The following EYS variants were observed in gnomAD, a reference collection of about 807,000 sequenced individuals.
EYS encodes the protein EGF-like photoreceptor maintenance factor.
Under a neutral mutation model 282.1 loss-of-function variants are expected in EYS, and 250 were observed. The observed-to-expected ratio is 0.89, with a 90% CI of 0.80 to 0.98. The LOEUF (loss-of-function observed/expected upper bound fraction) is 0.98. Ranked by LOEUF, EYS falls within the 50% of genes least tolerant of loss-of-function variation. The pLI, the probability that EYS is intolerant of heterozygous loss-of-function variation, is 0.00. For missense variants in EYS, 4,016 were observed against 3,709.0 expected (o/e 1.08, Z -2.15); for synonymous variants, 1,355 against 1,282.9 (o/e 1.06, Z -1.20).
chr6:65,268,805 GTT>G (rs530146910), intron 12 of EYS, among the ~76,000 whole-genome samples: 1 of 118,012 alleles, frequency 8.5e-6, no homozygotes, highest in East Asian at 4.6e-4. Flanking sequence ...TTCAACATAA[GTT>G]TTTTTTTAAA....
intron 31 of EYS, among the ~76,000 whole-genome samples, chr6:64,190,865 C>T (rs979262752): frequency 6.6e-6 from 1 of 152,108 alleles, no homozygotes; most frequent in Non-Finnish European, 1.5e-5. Context: ...TTGTAACTAC[C>T]TATTATGTCG....
intron 31 of EYS, among the ~76,000 whole-genome samples, chr6:64,217,127 A>G (rs1765954745): frequency 6.6e-6 from 1 of 152,216 alleles, no homozygotes; most frequent in Non-Finnish European, 1.5e-5. Context: ...ATGATTAAAA[A>G]GTAAGAGACT....
intron 14 of EYS, among the ~76,000 whole-genome samples, chr6:64,979,016 C>T (rs779395354): frequency 1.3e-5 from 2 of 151,832 alleles, no homozygotes; most frequent in African/African-American, 4.8e-5. Flanking sequence ...TAGAATATTA[C>T]ATAAACAGTT....
intron 22 of EYS, among the ~76,000 whole-genome samples, chr6:64,662,248 G>C (rs1183195223): frequency 9.2e-6 from 1 of 109,170 alleles, no homozygotes; most frequent in Non-Finnish European, 1.8e-5. Context: ...TGGGGGGAGG[G>C]GGGAGGGATA....
chr6:63,825,654 G>T (rs886467509), intron 36 of EYS, among the ~76,000 whole-genome samples: 1 of 152,114 alleles, frequency 6.6e-6, no homozygotes, highest in African/African-American at 2.4e-5. Flanking sequence ...AATAATCACC[G>T]CAGTTCAGCT....
In EYS at chr6:64,172,680, C is replaced by G. The variant is rs1233264125; in HGVS notation, c.6424+57912G>C. Among the ~76,000 whole-genome samples, 4 of 152,174 alleles carry G rather than the reference C, an allele frequency of 2.6e-5. No homozygotes were observed. In the East Asian group the frequency reaches 7.7e-4, roughly 29 times the overall value. ...TTTCCTAACAGGTCATGGACCAGTA[C>G]TGGCCCAGGGGTGGGAACCCCTGGA... On this transcript the variant is annotated intron_variant, in intron 31 of 42. Transcript: ENST00000503581.
At chr6:64,232,575 T>C (rs1009814149) in intron 30 of EYS, among the ~76,000 whole-genome samples, 53 of 151,964 alleles carry the variant, frequency 3.5e-4, no homozygotes, top group Non-Finnish European at 1.8e-4. Context: ...ATTTTCAGTA[T>C]AGACGGGGTT....
intron 12 of EYS, among the ~76,000 whole-genome samples, chr6:65,172,798 T>C (rs1436731705): frequency 1.3e-5 from 2 of 151,238 alleles, no homozygotes; most frequent in Admixed American, 6.6e-5. Context: ...ATAATACTTA[T>C]TGAGAGTATT....
At chr6:65,021,389 T>C (rs746963444) in intron 13 of EYS, among the ~76,000 whole-genome samples, 1 of 152,228 alleles carries the variant, frequency 6.6e-6, no homozygotes, top group Non-Finnish European at 1.5e-5. Context: ...ACCTTTGCTC[T>C]AGTTCCCAAC....
intron 22 of EYS, among the ~76,000 whole-genome samples, chr6:64,732,245 C>A (rs1771999459): frequency 7.0e-6 from 1 of 143,024 alleles, no homozygotes; most frequent in Admixed American, 6.9e-5. Flanking sequence ...ACCACCGTGG[C>A]ACGTGTATAC....
intron 2 of EYS, among the ~76,000 whole-genome samples, chr6:65,579,668 T>G (rs1180237024): frequency 6.6e-6 from 1 of 152,106 alleles, no homozygotes; most frequent in Non-Finnish European, 1.5e-5. Flanking sequence ...AATCTGTCTC[T>G]TTCTTTTTAT....
intron 29 of EYS, among the ~76,000 whole-genome samples, chr6:64,355,844 T>G (rs1273246798): frequency 6.6e-6 from 1 of 151,524 alleles, no homozygotes; most frequent in Non-Finnish European, 1.5e-5. Flanking sequence ...ACAGGAGAGG[T>G]CCACAAGAGA....
intron 24 of EYS, among the ~76,000 whole-genome samples, chr6:64,600,230 T>G (rs1392097435): frequency 8.3e-6 from 1 of 121,044 alleles, no homozygotes; most frequent in Admixed American, 8.5e-5. Context: ...CAGCTCTCTT[T>G]TTTTTCAACT....
intron 2 of EYS, among the ~76,000 whole-genome samples, chr6:65,566,649 CA>C (rs975339304): frequency 6.6e-6 from 1 of 152,036 alleles, no homozygotes; most frequent in African/African-American, 2.4e-5. Flanking sequence ...AACAAACAAA[CA>C]AAAACCTCTA....
intron 33 of EYS, among the ~76,000 whole-genome samples, chr6:64,053,072 GTTTAAA>G (rs1368729030): frequency 3.9e-5 from 6 of 152,082 alleles, no homozygotes; most frequent in African/African-American, 1.4e-4. Flanking sequence ...TTTAAAATAT[GTTTAAA>G]TTTATCATAC....
chr6:64,967,538 G>A (rs970589841), intron 14 of EYS, among the ~76,000 whole-genome samples: 5 of 152,036 alleles, frequency 3.3e-5, no homozygotes, highest in African/African-American at 1.2e-4. Flanking sequence ...GGCTGGTCTC[G>A]AAGTCCCGAC....
At chr6:64,611,008 A>C (rs571920563) in intron 24 of EYS, among the ~76,000 whole-genome samples, 2 of 152,024 alleles carry the variant, frequency 1.3e-5, no homozygotes, top group African/African-American at 4.8e-5. Context: ...CTGCCCATAA[A>C]CAAATTAACA....
intron 26 of EYS, among the ~76,000 whole-genome samples, chr6:64,560,137 A>T (rs1765350756): frequency 6.6e-6 from 1 of 152,024 alleles, no homozygotes; most frequent in South Asian, 2.1e-4. Context: ...GATATTTTTC[A>T]TCATTTTTAT....
At chr6:64,033,594 C>T (rs1355920268) in intron 33 of EYS, among the ~76,000 whole-genome samples, 1 of 152,028 alleles carries the variant, frequency 6.6e-6, no homozygotes, top group Non-Finnish European at 1.5e-5. Flanking sequence ...TAAACTTGGA[C>T]ATAACACCTT....
Sources: gnomAD v4.1 joint callset for allele counts (sites outside exome capture counted in the v4.1 genomes callset) on GRCh38, gnomAD v4.1.1 for gene constraint, MANE v1.5 for transcripts, NCBI Gene and HGNC (gene_info 2026-07-23, HGNC 2026-07-21) for gene names.